Variants in EDIL3 observed in about 807,000 individuals in gnomAD.
The protein encoded by EDIL3 is EGF-like repeat and discoidin I-like domain-containing protein 3.
In EDIL3, 37 loss-of-function variants were observed where a neutral mutation model predicts 67.4. The observed-to-expected ratio is 0.55, with a 90% confidence interval of 0.42 to 0.72. The LOEUF is 0.72. Among genes scored for constraint, EDIL3 ranks in the 30% least tolerant of loss-of-function variants. The pLI, the probability that EDIL3 is intolerant of heterozygous loss-of-function variation, is 0.00. For missense variants in EDIL3, 527 were observed against 586.3 expected, an observed-to-expected ratio of 0.90 and a Z score of 1.04; for synonymous variants, 195 against 196.3, an observed-to-expected ratio of 0.99 and a Z score of 0.05.
chr5:84,249,748 C>T (rs1409555072), intron 2 of EDIL3, among the ~76,000 whole-genome samples: 2 of 152,036 alleles, frequency 1.3e-5, no homozygotes. Flanking sequence ...AGTTATGCCA[C>T]AGAACTTGTA....
At chr5:84,016,165 A>G (rs1250948093) in intron 9 of EDIL3, among the ~76,000 whole-genome samples, 1 of 152,058 alleles carries the variant, frequency 6.6e-6, no homozygotes, top group Non-Finnish European at 1.5e-5. Flanking sequence ...AGGGAACTAC[A>G]TTTCTTCTAT....
chr5:84,224,389 T>A (rs1744407123), intron 3 of EDIL3, among the ~76,000 whole-genome samples: 1 of 151,586 alleles, frequency 6.6e-6, no homozygotes. Context: ...CACCTTATAG[T>A]TAAATTATAT....
intron 9 of EDIL3, among the ~76,000 whole-genome samples, chr5:84,001,210 C>T (rs1745324410): frequency 6.6e-6 from 1 of 151,990 alleles, no homozygotes; most frequent in African/African-American, 2.4e-5. Flanking sequence ...CCACACCTGG[C>T]TAATTTTTTT....
intron 4 of EDIL3, among the ~76,000 whole-genome samples, chr5:84,159,541 C>T (rs1748566849): frequency 6.6e-6 from 1 of 151,900 alleles, no homozygotes; most frequent in Admixed American, 6.6e-5. Context: ...GCCATAGTCT[C>T]AAAACACTTG....
intron 10 of EDIL3, among the ~76,000 whole-genome samples, chr5:83,958,492 G>A (rs764086426): frequency 6.6e-6 from 1 of 151,500 alleles, no homozygotes; most frequent in Admixed American, 6.6e-5. Context: ...TCCAGGTAAA[G>A]TTTCAACTTT....
chr5:84,028,505 C>A (rs916333749), intron 9 of EDIL3, among the ~76,000 whole-genome samples: 1 of 151,874 alleles, frequency 6.6e-6, no homozygotes, highest in Non-Finnish European at 1.5e-5. Flanking sequence ...TTTATCTGAC[C>A]CTCAGTTTCA....
At chr5:84,328,437 T>A (rs934699342) in intron 1 of EDIL3, among the ~76,000 whole-genome samples, 3 of 152,086 alleles carry the variant, frequency 2.0e-5, no homozygotes, top group Non-Finnish European at 4.4e-5. Flanking sequence ...ATGAGCAATC[T>A]GAATAAACCT....
rs567795907 is a variant in EDIL3 at position 84,077,618 on chromosome 5, G to A, written c.652-11012C>T. On this transcript the variant is annotated intron_variant, in intron 6 of 10. Transcript: ENST00000296591. Reference sequence around the variant, plus strand: ...ATCCACTATCATGAGAACAGCATGAGAACAGCATGGGAAAACCTGTCCCCA... The same window carrying A: ...ATCCACTATCATGAGAACAGCATGAAAACAGCATGGGAAAACCTGTCCCCA... Among the ~76,000 whole-genome samples, 15 of 152,166 alleles carry A rather than the reference G, an allele frequency of 9.9e-5. No homozygotes were observed. In the South Asian group the frequency reaches 1.5e-3, roughly 15 times the overall value.
At chr5:84,354,115 A>G (rs1282380554) in intron 1 of EDIL3, among the ~76,000 whole-genome samples, 2 of 152,214 alleles carry the variant, frequency 1.3e-5, no homozygotes, top group African/African-American at 2.4e-5. Flanking sequence ...AAATAAAATA[A>G]TATCAATTAG....
At chr5:84,149,704 G>A (rs1748352991) in intron 4 of EDIL3, among the ~76,000 whole-genome samples, 1 of 151,626 alleles carries the variant, frequency 6.6e-6, no homozygotes, top group South Asian at 2.1e-4. Flanking sequence ...TAGCAGAGAA[G>A]TAATTAAAAC....
At chr5:83,949,243 A>G (rs1744364861) in intron 10 of EDIL3, among the ~76,000 whole-genome samples, 1 of 151,720 alleles carries the variant, frequency 6.6e-6, no homozygotes, top group African/African-American at 2.4e-5. Context: ...CTTCCATCCC[A>G]TAGCATCCTG....
At chr5:84,018,027 C>T (rs1248495258) in intron 9 of EDIL3, among the ~76,000 whole-genome samples, 1 of 152,120 alleles carries the variant, frequency 6.6e-6, no homozygotes, top group Non-Finnish European at 1.5e-5. Flanking sequence ...CTTTCGCCAT[C>T]GTATGAAAAG....
intron 4 of EDIL3, among the ~76,000 whole-genome samples, chr5:84,149,487 C>T (rs1459277722): frequency 6.6e-6 from 1 of 152,002 alleles, no homozygotes; most frequent in Non-Finnish European, 1.5e-5. Context: ...ATTATTGGTC[C>T]CACCTAACGA....
rs36022918 is a variant in EDIL3 at position 84,324,927 on chromosome 5, T to TA, written c.67+59380dup. 3.5e-3 allele frequency among the ~76,000 whole-genome samples: 515 copies of TA among 148,982 alleles called. 5 individuals carry two copies. The highest frequency in any genetic ancestry group is 0.01 in the African/African-American group (417 of 40,666). On this transcript the variant is annotated intron_variant, in intron 1 of 10. Transcript: ENST00000296591. The stretch of plus-strand genomic sequence containing the variant: ...AATCAGGAGTCAAAATTCTCCTGAT[T>TA]AAAAAAAAAAATCCCTGGTGTCTTC...
chr5:83,986,208 G>A (rs1745055292), intron 9 of EDIL3, among the ~76,000 whole-genome samples: 1 of 152,072 alleles, frequency 6.6e-6, no homozygotes, highest in African/African-American at 2.4e-5. Context: ...AAAGAGCGCA[G>A]TCATCAAGCA....
At chr5:84,231,240 T>C (rs1393834706) in intron 2 of EDIL3, among the ~76,000 whole-genome samples, 1 of 152,140 alleles carries the variant, frequency 6.6e-6, no homozygotes, top group Non-Finnish European at 1.5e-5. Flanking sequence ...CCTGTGTATG[T>C]GGAGGATGGA....
chr5:83,985,366 A>C (rs1232842999), intron 9 of EDIL3, among the ~76,000 whole-genome samples: 1 of 152,102 alleles, frequency 6.6e-6, no homozygotes, highest in African/African-American at 2.4e-5. Context: ...TGTTTGGACA[A>C]ATTTTTTTAA....
At chr5:84,330,721 G>A (rs1215627538) in intron 1 of EDIL3, among the ~76,000 whole-genome samples, 1 of 152,160 alleles carries the variant, frequency 6.6e-6, no homozygotes, top group Admixed American at 6.5e-5. Flanking sequence ...GGCTCCTGCA[G>A]GGTGCAAGGA....
At chr5:84,093,196 T>G (rs2112269796) in intron 6 of EDIL3, among the ~76,000 whole-genome samples, 1 of 152,228 alleles carries the variant, frequency 6.6e-6, no homozygotes, top group Middle Eastern at 3.4e-3. Flanking sequence ...CTTTTTTTTT[T>G]TTGTTCAGTA....
Sources: gnomAD v4.1 joint callset for allele counts (sites outside exome capture counted in the v4.1 genomes callset) on GRCh38, gnomAD v4.1.1 for gene constraint, MANE v1.5 for transcripts, NCBI Gene and HGNC (gene_info 2026-07-23, HGNC 2026-07-21) for gene names.